PRIMA1: variants seen among roughly 807,000 people sequenced by gnomAD.
The protein encoded by PRIMA1 is proline rich membrane anchor 1.
Under a neutral mutation model 17.5 loss-of-function variants are expected in PRIMA1, and 7 were observed. The ratio of observed to expected loss-of-function variants is 0.40; its 90% confidence interval spans 0.23 to 0.75. PRIMA1 has a LOEUF of 0.75. Among genes scored for constraint, PRIMA1 ranks in the 30% least tolerant of loss-of-function variants. The pLI is 0.37. For missense variants in PRIMA1, 200 were observed against 201.8 expected, an observed-to-expected ratio of 0.99 and a Z score of 0.05; for synonymous variants, 97 against 77.9, an observed-to-expected ratio of 1.25 and a Z score of -1.29.
chr14:93,787,690 C>T lies in PRIMA1; in HGVS notation c.29G>A (p.Arg10His), dbSNP rs971650267. 1.9e-6 allele frequency: 3 copies of T among 1,544,366 alleles called. No homozygotes were observed. The highest frequency in any genetic ancestry group is 8.7e-7 in the Non-Finnish European group (1 of 1,146,732). MLLRDLVLR[R>H]GCCWSSLLLH... ...CAGCAGCGAGGACCAGCAGCAGCCACGGCGCAGCACCAAGTCCCGGAGGAG... is the reference window on the plus strand; with the variant it reads ...CAGCAGCGAGGACCAGCAGCAGCCATGGCGCAGCACCAAGTCCCGGAGGAG... The change falls in exon 2 of 5, where the codon CGT becomes CAT. Residue 10 changes from arginine (R) to histidine (H), a missense_variant. By Grantham distance (29) the Arg-to-His change is conservative. Transcript: ENST00000393140.
intron 3 of PRIMA1, among the ~76,000 whole-genome samples, chr14:93,756,038 C>T (rs2076288560): frequency 6.6e-6 from 1 of 152,136 alleles, no homozygotes; most frequent in African/African-American, 2.4e-5. Flanking sequence ...AGGTTGAGAG[C>T]CCTGTGAGAT....
rs192852939 is a variant in PRIMA1 at position 93,743,438 on chromosome 14, C to T, written c.230-6068G>A. On this transcript the variant is annotated intron_variant, in intron 3 of 4. Transcript: ENST00000393140. The stretch of plus-strand genomic sequence containing the variant: ...GATTGTAGTCAGGTGGGAGCTGTCA[C>T]TGCAGTTGCTGTCTCTGCTTCCGGC... 1.2e-3 allele frequency among the ~76,000 whole-genome samples: 176 copies of T among 152,370 alleles called. 1 individual carries two copies. Among genetic ancestry groups the T allele is most frequent in the Non-Finnish European group, 1.8e-3 (123 of 68,034 alleles).
chr14:93,722,967 A>C (rs868307559), intron 4 of PRIMA1, among the ~76,000 whole-genome samples: 1 of 152,042 alleles, frequency 6.6e-6, no homozygotes, highest in Admixed American at 6.5e-5. Context: ...TACGCATATA[A>C]GGGATCAGGA....
At chr14:93,757,057 CT>C (rs2076295497) in intron 3 of PRIMA1, among the ~76,000 whole-genome samples, 1 of 152,310 alleles carries the variant, frequency 6.6e-6, no homozygotes, top group African/African-American at 2.4e-5. Context: ...CGAAATATTT[CT>C]CCCATTTGGG....
rs1039197324 is a variant in PRIMA1 at position 93,721,135 on chromosome 14, A to G, written c.*309T>C. 3.0e-6 allele frequency: 1 copy of G among 331,682 alleles called. No individual in the cohort carries two copies. Among genetic ancestry groups the G allele is most frequent in the Non-Finnish European group, 5.5e-6 (1 of 180,444 alleles). 20.5% of individuals were successfully genotyped at this position (331,682 alleles called of 1,614,324 possible). ...GATCCCTCTGGCTTCGCCAGTGCGC[A>G]TGCTTTAGACAGCAGCTGGGGGCAG... On this transcript the variant is annotated 3_prime_UTR_variant, in exon 5 of 5. Transcript: ENST00000393140.
intron 4 of PRIMA1, among the ~76,000 whole-genome samples, chr14:93,733,073 T>C (rs866866895): frequency 3.9e-5 from 6 of 152,300 alleles, no homozygotes; most frequent in African/African-American, 1.4e-4. Context: ...AAAATGCATG[T>C]TGCATGGGCT....
In PRIMA1 at chr14:93,726,736, TAC is replaced by T. The variant is rs551786349; in HGVS notation, c.360-5192_360-5191del. On this transcript the variant is annotated intron_variant, in intron 4 of 4. Coordinates refer to ENST00000393140, the MANE Select transcript of PRIMA1 (RefSeq NM_178013.4). The surrounding 1 kb of genome is among the most constrained non-coding windows in gnomAD (Gnocchi z 4.2). ...ATGTACTTACACACACACATATATGTACACACAGGCACATACGCATAAATGTA... is the reference window on the plus strand; with the variant it reads ...ATGTACTTACACACACACATATATGTACACAGGCACATACGCATAAATGTA... 1.5e-3 allele frequency among the ~76,000 whole-genome samples: 231 copies of T among 152,096 alleles called. No homozygotes were observed. The highest frequency in any genetic ancestry group is 5.4e-3 in the African/African-American group (223 of 41,462).
chr14:93,737,495 G>C, intron 3 of PRIMA1, 125 bp from the exon 4 acceptor site: 1 of 1,147,358 alleles, frequency 8.7e-7, no homozygotes, highest in Non-Finnish European at 1.2e-6. Flanking sequence ...ACCATCATGG[G>C]TGACACCAAC....
intron 3 of PRIMA1, among the ~76,000 whole-genome samples, chr14:93,747,153 A>G (rs994671560): frequency 5.9e-5 from 9 of 152,184 alleles, no homozygotes; most frequent in East Asian, 1.9e-4. Flanking sequence ...GGGGCACCTC[A>G]ACATGAGGAG....
chr14:93,755,449 A>G (rs1454259379), intron 3 of PRIMA1, among the ~76,000 whole-genome samples: 2 of 152,116 alleles, frequency 1.3e-5, no homozygotes, highest in East Asian at 3.9e-4. Flanking sequence ...TTTATTGGTA[A>G]TTTCCTAACC....
intron 4 of PRIMA1, among the ~76,000 whole-genome samples, chr14:93,727,682 T>A (rs1446183892): frequency 2.6e-5 from 4 of 152,076 alleles, no homozygotes; most frequent in Non-Finnish European, 5.9e-5. Flanking sequence ...TGAGGTCTGG[T>A]GGAGGTCCTA....
chr14:93,774,718 A>G (rs1191171941), intron 3 of PRIMA1, among the ~76,000 whole-genome samples: 1 of 152,022 alleles, frequency 6.6e-6, no homozygotes, highest in Non-Finnish European at 1.5e-5. Flanking sequence ...CCCCTTCCCA[A>G]TAGCACCTCT....
chr14:93,785,188 CAAAAAAAAA>C lies in PRIMA1; in HGVS notation c.93+2429_93+2437del, dbSNP rs386382197. ...GCCAGCCTGTCATCCTCTTCTCTTT[CAAAAAAAAA>C]AAAAAAAAAAGAATCATCTGGAAGT... On this transcript the variant is annotated intron_variant, in intron 2 of 4. Coordinates refer to ENST00000393140, the MANE Select transcript of PRIMA1 (RefSeq NM_178013.4). 1.0e-4 allele frequency among the ~76,000 whole-genome samples: 11 copies of C among 110,060 alleles called. No homozygotes were observed. The South Asian group carries it at 4.0e-3, about 40-fold the overall frequency. The allele number at this position is 110,060 out of a possible 152,430, so 72.2% of individuals were successfully genotyped here.
At chr14:93,746,684 C>T (rs887642333) in intron 3 of PRIMA1, among the ~76,000 whole-genome samples, 2 of 151,862 alleles carry the variant, frequency 1.3e-5, no homozygotes, top group Admixed American at 6.6e-5. Flanking sequence ...GGGGGAAGGG[C>T]GGGAGGCTGC....
chr14:93,739,303 C>T (rs12891196), intron 3 of PRIMA1, among the ~76,000 whole-genome samples: 100,031 of 151,990 alleles, frequency 0.66, 34,525 homozygotes, highest in Middle Eastern at 0.78. Flanking sequence ...CTGCCCACCT[C>T]GGTCTCCCAA....
At chr14:93,777,140 G>A (rs1885241914) in intron 3 of PRIMA1, among the ~76,000 whole-genome samples, 1 of 152,162 alleles carries the variant, frequency 6.6e-6, no homozygotes, top group Non-Finnish European at 1.5e-5. Flanking sequence ...ATGACCCATA[G>A]GATGAAATGC....
chr14:93,737,033 T>G (rs2076154006), intron 4 of PRIMA1, among the ~76,000 whole-genome samples: 1 of 152,134 alleles, frequency 6.6e-6, no homozygotes, highest in South Asian at 2.1e-4. Context: ...AAAGGAAAAA[T>G]AAAATAGATA....
At chr14:93,730,849 G>A (rs769045638) in intron 4 of PRIMA1, among the ~76,000 whole-genome samples, 2 of 152,164 alleles carry the variant, frequency 1.3e-5, no homozygotes, top group Non-Finnish European at 2.9e-5. Flanking sequence ...AAGCTAAGGA[G>A]ATGAAAGACT....
In PRIMA1 at chr14:93,721,504, C is replaced by G; in HGVS notation, c.402G>C (p.Glu134Asp). ...TGCTCTGCGAAGCACTCATGGGATA[C>G]TCAGCAACGCTGGTGCCATTTTCGT... ...RKDENGTSVA[E>D]YPMSASQSNK... The change falls in exon 5 of 5, where the codon GAG (glutamate) becomes GAC (aspartate). Residue 134 changes from glutamate (E) to aspartate (D), a missense_variant. Physicochemically the swap from Glu to Asp is conservative, Grantham distance 45. Coordinates refer to ENST00000393140, the MANE Select transcript of PRIMA1 (RefSeq NM_178013.4). 7 of 1,613,952 alleles carry G rather than the reference C, an allele frequency of 4.3e-6. No homozygotes were observed. The highest frequency in any genetic ancestry group is 5.9e-6 in the Non-Finnish European group (7 of 1,179,936).
Sources: gnomAD v4.1 joint callset for allele counts (sites outside exome capture counted in the v4.1 genomes callset) on GRCh38, gnomAD v4.1.1 for gene constraint, Gnocchi (gnomAD v3.1) non-coding constraint, MANE v1.5 for transcripts, NCBI Gene and HGNC (gene_info 2026-07-23, HGNC 2026-07-21) for gene names.